Variants in MAP2K3 observed in about 807,000 individuals in gnomAD.
The protein encoded by MAP2K3 is dual specificity mitogen-activated protein kinase kinase 3.
Under a neutral mutation model 46.4 loss-of-function variants are expected in MAP2K3, and 30 were observed. The ratio of observed to expected loss-of-function variants is 0.65; its 90% CI spans 0.48 to 0.88. MAP2K3 has a LOEUF of 0.88. MAP2K3 is among the 40% of genes least tolerant of loss of function. The pLI, the probability that MAP2K3 is intolerant of heterozygous loss-of-function variation, is 0.00. For synonymous variants in MAP2K3, 189 were observed against 176.3 expected, an observed-to-expected ratio of 1.07 and a Z score of -0.57; for missense variants, 380 against 464.5, an observed-to-expected ratio of 0.82 and a Z score of 1.67.
chr17:21,299,765 C>G (rs1976486222), intron 3 of MAP2K3, among the ~76,000 whole-genome samples: 1 of 152,276 alleles, frequency 6.6e-6, no homozygotes, highest in Non-Finnish European at 1.5e-5. Flanking sequence ...GGTAGATCAC[C>G]TGAGGTCAGG....
At chr17:21,292,011 C>A (rs1266228373) in intron 1 of MAP2K3, among the ~76,000 whole-genome samples, 2 of 152,310 alleles carry the variant, frequency 1.3e-5, no homozygotes, top group African/African-American at 4.8e-5. Context: ...GGTTTCTCCA[C>A]TGAGGTGCGG....
chr17:21,315,092 G>A lies in MAP2K3; in HGVS notation c.*862G>A, dbSNP rs1186038571. Reference sequence around the variant, plus strand: ...CTCCCTGAGGACTGGCTTGACAGGGGCTATGGGTTTGCTTTGGTGTTGTTT... The same window carrying A: ...CTCCCTGAGGACTGGCTTGACAGGGACTATGGGTTTGCTTTGGTGTTGTTT... On this transcript the variant is annotated 3_prime_UTR_variant, in exon 12 of 12. Coordinates refer to ENST00000342679, the MANE Select transcript of MAP2K3 (RefSeq NM_145109.3). The A allele has an allele frequency of 2.0e-5, 3 of 152,554 alleles. No homozygotes were observed. Among genetic ancestry groups the A allele is most frequent in the Admixed American group, 1.3e-4 (2 of 15,290 alleles). 9.5% of individuals were successfully genotyped at this position (152,554 alleles called of 1,614,324 possible). A position where few individuals can be genotyped will look rare whatever the true frequency, so the allele number is the denominator to read the frequency against.
chr17:21,284,794 G>C lies in MAP2K3; in HGVS notation c.-127G>C, dbSNP rs545219022. The stretch of plus-strand genomic sequence containing the variant: ...CCTCGCCGCAGTCGCCGCCGCCGCC[G>C]CCGCCGCCGCCGCTGCTCCTCCGCC... On this transcript the variant is annotated 5_prime_UTR_variant, in exon 1 of 12. Transcript: ENST00000342679. The C allele has an allele frequency of 8.9e-7, 1 of 1,126,724 alleles. No individual in the cohort carries two copies. Among genetic ancestry groups the C allele is most frequent in the East Asian group, 3.2e-5 (1 of 31,662 alleles). The allele number at this position is 1,126,724 out of a possible 1,614,324, so 69.8% of individuals were successfully genotyped here.
In MAP2K3 at chr17:21,291,346, TACAAC is replaced by T. The variant is rs71160134; in HGVS notation, c.49+6405_49+6409del. On this transcript the variant is annotated intron_variant, in intron 1 of 11. Coordinates refer to ENST00000342679, the MANE Select transcript of MAP2K3 (RefSeq NM_145109.3). ...TACAATAGAATACAGTACAATACAATACAACACAACACAACACAACACAACACAAC... is the reference window on the plus strand; with the variant it reads ...TACAATAGAATACAGTACAATACAATACAACACAACACAACACAACACAAC... 1.2e-3 allele frequency: 414 copies of T among 343,258 alleles called. 1 individual carries two copies. The highest frequency in any genetic ancestry group is 4.9e-3 in the African/African-American group (216 of 44,188). 21.3% of individuals were successfully genotyped at this position (343,258 alleles called of 1,614,324 possible). A position where few individuals can be genotyped will look rare whatever the true frequency, so the allele number is the denominator to read the frequency against.
intron 1 of MAP2K3, chr17:21,287,965 T>TCCCCCA (rs1422254165): frequency 8.2e-7 from 1 of 1,217,352 alleles, no homozygotes; most frequent in Non-Finnish European, 1.1e-6. Context: ...CTCGGGGACT[T>TCCCCCA]CCCCCACCCC....
intron 1 of MAP2K3, among the ~76,000 whole-genome samples, chr17:21,290,374 C>T (rs1180637066): frequency 6.6e-6 from 1 of 152,280 alleles, no homozygotes; most frequent in Non-Finnish European, 1.5e-5. Flanking sequence ...TTCTGGTCAA[C>T]CCATAGCCTC....
chr17:21,301,664 C>A (rs1383722135), intron 5 of MAP2K3, among the ~76,000 whole-genome samples: 2 of 152,308 alleles, frequency 1.3e-5, no homozygotes. Flanking sequence ...GCCCCTGCAG[C>A]CTGCGGGTGC....
intron 3 of MAP2K3, among the ~76,000 whole-genome samples, chr17:21,299,130 G>A (rs2144553418): frequency 1.3e-5 from 2 of 152,428 alleles, no homozygotes; most frequent in Admixed American, 1.3e-4. Context: ...AGGACCATCG[G>A]CTGCCTGACT....
At position 21,300,985 on chromosome 17, in the gene MAP2K3, T is replaced by A; in HGVS notation, c.391T>A (p.Phe131Ile). 1 of 1,614,164 alleles carries A rather than the reference T, an allele frequency of 6.2e-7. No homozygotes were observed. Among genetic ancestry groups the A allele is most frequent in the Non-Finnish European group, 8.5e-7 (1 of 1,180,014 alleles). ...FYTVTFYGAL[F>I]REGDVWICME... ...CACTGTCACCTTCTACGGGGCACTA[T>A]TCAGAGAGGTGCGTCCTTGCATGAT... The change falls in exon 5 of 12, where the codon TTC (phenylalanine) becomes ATC (isoleucine). Residue 131 changes from phenylalanine to isoleucine, a missense_variant. By Grantham distance (21) the Phe-to-Ile change is conservative. This residue lies in a region of MAP2K3 where 294 missense variants were observed against 275.4 expected (regional missense o/e 1.07). Transcript: ENST00000342679.
At chr17:21,286,620 T>C (rs1261274960) in intron 1 of MAP2K3, among the ~76,000 whole-genome samples, 1 of 152,152 alleles carries the variant, frequency 6.6e-6, no homozygotes, top group African/African-American at 2.4e-5. Flanking sequence ...ATCAGACACT[T>C]CTCCACTCTG....
intron 3 of MAP2K3, among the ~76,000 whole-genome samples, chr17:21,300,047 C>T (rs1186944735): frequency 5.2e-5 from 8 of 152,428 alleles, no homozygotes; most frequent in Middle Eastern, 3.4e-3. Flanking sequence ...GTCGCACTCC[C>T]TGACACTCAC....
At chr17:21,300,476 T>A in intron 3 of MAP2K3, 69 bp from the exon 4 acceptor site, 1 of 1,483,684 alleles carries the variant, frequency 6.7e-7, no homozygotes, top group Non-Finnish European at 9.2e-7. Context: ...CCCAGGTATC[T>A]CCACTGGGCA....
At chr17:21,298,744 G>C in intron 2 of MAP2K3, 134 bp from the exon 3 acceptor site, 2 of 1,290,556 alleles carry the variant, frequency 1.5e-6, no homozygotes, top group Non-Finnish European at 2.2e-6. Flanking sequence ...AGTGAGAGGA[G>C]GTGGCCGGAG....
intron 3 of MAP2K3, among the ~76,000 whole-genome samples, chr17:21,299,885 G>C (rs1482004622): frequency 3.9e-5 from 6 of 152,300 alleles, no homozygotes; most frequent in Middle Eastern, 3.2e-3. Context: ...AGGAGGCTGA[G>C]ACAGGAGAAT....
intron 1 of MAP2K3, 47 bp from the exon 2 acceptor site, chr17:21,298,366 T>C (rs749647626): frequency 5.0e-6 from 8 of 1,612,854 alleles, no homozygotes; most frequent in Admixed American, 1.7e-5. Context: ...GCAGGGGACA[T>C]TGATGTCAAG....
chr17:21,300,564 A>T lies in MAP2K3; in HGVS notation c.185A>T (p.Asp62Val), dbSNP rs760418674. The change falls in exon 4 of 12, where the codon GAT (aspartate) becomes GTT (valine). Residue 62 changes from aspartate (D) to valine (V), a missense_variant. This residue lies in a region of MAP2K3 where 294 missense variants were observed against 275.4 expected (regional missense o/e 1.07). Coordinates refer to ENST00000342679, the MANE Select transcript of MAP2K3 (RefSeq NM_145109.3). ...TTCAAGAACTTTGAGGTGGAGGCTGATGACTTGGTGACCATCTCAGAACTG... is the reference window on the plus strand; with the variant it reads ...TTCAAGAACTTTGAGGTGGAGGCTGTTGACTTGGTGACCATCTCAGAACTG... ...IGDRNFEVEADDLVTISELGR... is the reference protein window; with the variant it reads ...IGDRNFEVEAVDLVTISELGR... 6.2e-7 allele frequency: 1 copy of T among 1,612,242 alleles called. No individual in the cohort carries two copies. The highest frequency in any genetic ancestry group is 1.1e-5 in the South Asian group (1 of 90,486).
intron 1 of MAP2K3, among the ~76,000 whole-genome samples, chr17:21,295,430 G>A (rs1038005620): frequency 8.5e-5 from 13 of 152,304 alleles, no homozygotes; most frequent in Admixed American, 2.0e-4. Context: ...CGGGACAGGC[G>A]GGCTTATCGT....
At chr17:21,307,399 C>T (rs113555081) in intron 9 of MAP2K3, among the ~76,000 whole-genome samples, 3 of 152,300 alleles carry the variant, frequency 2.0e-5, no homozygotes, top group African/African-American at 4.8e-5. Context: ...GCTCTGGGGA[C>T]AGGTGGAAGG....
chr17:21,315,047 G>A lies in MAP2K3; in HGVS notation c.*817G>A, dbSNP rs1977340110. The A allele has an allele frequency of 6.6e-6, 1 of 152,590 alleles. No individual in the cohort carries two copies. The highest frequency in any genetic ancestry group is 1.5e-5 in the Non-Finnish European group (1 of 68,054). 9.5% of individuals were successfully genotyped at this position (152,590 alleles called of 1,614,324 possible). ...AAGATCTCTGCTCAGAGAAGTGCAG[G>A]GGGAGCCTTCCAGCTCACTCTCCCT... On this transcript the variant is annotated 3_prime_UTR_variant, in exon 12 of 12. Coordinates refer to ENST00000342679, the MANE Select transcript of MAP2K3 (RefSeq NM_145109.3).
Sources: gnomAD v4.1 joint callset for allele counts (sites outside exome capture counted in the v4.1 genomes callset) on GRCh38, gnomAD v4.1.1 for gene constraint, gnomAD v4.1.1 regional missense constraint, MANE v1.5 for transcripts, NCBI Gene and HGNC (gene_info 2026-07-23, HGNC 2026-07-21) for gene names.